Variants in PTPRR observed in about 807,000 individuals in gnomAD.
PTPRR encodes the protein receptor-type tyrosine-protein phosphatase R.
In PTPRR, 38 loss-of-function variants were observed where a neutral mutation model predicts 77.2. That is an observed-to-expected ratio of 0.49 (90% CI 0.38 to 0.65). The LOEUF (loss-of-function observed/expected upper bound fraction) is 0.65. Among genes scored for constraint, PTPRR ranks in the 30% least tolerant of loss-of-function variants. The pLI is 0.00. For missense variants in PTPRR, 744 were observed against 799.2 expected, an observed-to-expected ratio of 0.93 and a Z score of 0.83; for synonymous variants, 299 against 283.1, an observed-to-expected ratio of 1.06 and a Z score of -0.57.
At chr12:70,854,440 G>C (rs1892620488) in intron 2 of PTPRR, among the ~76,000 whole-genome samples, 1 of 152,198 alleles carries the variant, frequency 6.6e-6, no homozygotes, top group Non-Finnish European at 1.5e-5. Context: ...TGAAGCAGTA[G>C]GCACATCTTC....
Position 70,656,685 on chromosome 12 carries a change from A to C in PTPRR, c.1880+19T>G. The C allele has an allele frequency of 6.4e-7, 1 of 1,552,234 alleles. No individual in the cohort carries two copies. Among genetic ancestry groups the C allele is most frequent in the Non-Finnish European group, 8.9e-7 (1 of 1,123,982 alleles). ...TGAATGAAAACAGTGCTCTGAAGGC[A>C]AGCCTCTGTGACACTCACCTATCCA... On this transcript the variant is annotated intron_variant, in intron 13 of 13. Coordinates refer to ENST00000283228, the MANE Select transcript of PTPRR (RefSeq NM_002849.4).
intron 1 of PTPRR, among the ~76,000 whole-genome samples, chr12:70,914,004 T>C (rs1893738975): frequency 6.6e-6 from 1 of 152,068 alleles, no homozygotes; most frequent in Non-Finnish European, 1.5e-5. Flanking sequence ...GACAGGGGAA[T>C]ATACAGGATT....
chr12:70,660,811 A>T, intron 12 of PTPRR, 129 bp downstream of exon 12: 1 of 959,060 alleles, frequency 1.0e-6, no homozygotes, highest in Non-Finnish European at 1.5e-6. Context: ...TTACAGACTT[A>T]ACCAATTTCA....
At chr12:70,663,281 G>T (rs118190047) in intron 10 of PTPRR, among the ~76,000 whole-genome samples, 18 of 152,254 alleles carry the variant, frequency 1.2e-4, no homozygotes, top group African/African-American at 1.7e-4. Flanking sequence ...CTGCAAGCAA[G>T]GCAACATAGC....
chr12:70,917,458 T>C (rs1338241252), intron 1 of PTPRR, among the ~76,000 whole-genome samples: 1 of 152,170 alleles, frequency 6.6e-6, no homozygotes, highest in Non-Finnish European at 1.5e-5. Context: ...AGCAGTTGGA[T>C]GGACAATAAC....
chr12:70,875,386 A>G (rs922016950), intron 2 of PTPRR, among the ~76,000 whole-genome samples: 1 of 152,204 alleles, frequency 6.6e-6, no homozygotes, highest in Admixed American at 6.5e-5. Flanking sequence ...ATACATATAC[A>G]TATTGGGTTC....
intron 10 of PTPRR, among the ~76,000 whole-genome samples, chr12:70,679,856 T>C (rs947953587): frequency 6.6e-6 from 1 of 152,188 alleles, no homozygotes; most frequent in African/African-American, 2.4e-5. Flanking sequence ...GGCCACTCTA[T>C]ATCTTTTAAT....
At chr12:70,888,214 T>A (rs1893274985) in intron 2 of PTPRR, among the ~76,000 whole-genome samples, 1 of 152,222 alleles carries the variant, frequency 6.6e-6, no homozygotes, top group South Asian at 2.1e-4. Context: ...AACAATTATA[T>A]GAGATAATAC....
chr12:70,878,884 A>G (rs1196373509), intron 2 of PTPRR, among the ~76,000 whole-genome samples: 1 of 152,228 alleles, frequency 6.6e-6, no homozygotes. Context: ...GGATTAAGAA[A>G]ATATGGCACA....
chr12:70,702,269 A>C (rs995845374), intron 6 of PTPRR, among the ~76,000 whole-genome samples: 8 of 152,078 alleles, frequency 5.3e-5, no homozygotes, highest in Non-Finnish European at 1.0e-4. Flanking sequence ...AGCTGTGTGG[A>C]CCAAGGGGTA....
intron 8 of PTPRR, among the ~76,000 whole-genome samples, chr12:70,696,473 A>C (rs1389700376): frequency 6.6e-6 from 1 of 152,146 alleles, no homozygotes; most frequent in Non-Finnish European, 1.5e-5. Flanking sequence ...GATTGGAATC[A>C]CCTAGGTGTT....
intron 2 of PTPRR, among the ~76,000 whole-genome samples, chr12:70,853,345 G>T (rs2137071362): frequency 6.6e-6 from 1 of 152,292 alleles, no homozygotes; most frequent in African/African-American, 2.4e-5. Flanking sequence ...TAAACAGCTA[G>T]ATTGCAGAAT....
intron 1 of PTPRR, among the ~76,000 whole-genome samples, chr12:70,920,072 G>T (rs377701647): frequency 6.6e-6 from 1 of 152,114 alleles, no homozygotes; most frequent in South Asian, 2.1e-4. Context: ...GCGAAGGGGG[G>T]AGCAAACCTG....
intron 2 of PTPRR, among the ~76,000 whole-genome samples, chr12:70,787,303 T>G (rs926538811): frequency 2.2e-4 from 34 of 152,222 alleles, no homozygotes; most frequent in African/African-American, 6.5e-4. Flanking sequence ...TATAGCTTAT[T>G]CCTTTTTGTG....
Position 70,641,818 on chromosome 12 carries a change from G to A in PTPRR, c.1881-2541C>T, listed in dbSNP as rs567073806. ...GAATCTGTCCTTTCTAACTTTCACCGCATTGGTCCAACTGAAATAACCCAA... is the reference window on the plus strand; with the variant it reads ...GAATCTGTCCTTTCTAACTTTCACCACATTGGTCCAACTGAAATAACCCAA... On this transcript the variant is annotated intron_variant, in intron 13 of 13. Transcript: ENST00000283228. Among the ~76,000 whole-genome samples, 88 of 152,218 alleles carry A rather than the reference G, an allele frequency of 5.8e-4. 1 individual carries two copies. In the South Asian group the frequency reaches 6.8e-3, roughly 12 times the overall value.
intron 2 of PTPRR, among the ~76,000 whole-genome samples, chr12:70,774,012 C>G (rs1016686644): frequency 6.6e-6 from 1 of 152,214 alleles, no homozygotes; most frequent in Non-Finnish European, 1.5e-5. Context: ...ACTCAGTACA[C>G]CTGGTCATCC....
intron 2 of PTPRR, among the ~76,000 whole-genome samples, chr12:70,833,066 G>A (rs903275742): frequency 9.9e-5 from 15 of 152,124 alleles, no homozygotes; most frequent in Non-Finnish European, 1.6e-4. Flanking sequence ...TGAGGAATCT[G>A]CCCCCATGAC....
chr12:70,755,128 T>G (rs1469299003), intron 4 of PTPRR, among the ~76,000 whole-genome samples: 1 of 152,174 alleles, frequency 6.6e-6, no homozygotes, highest in African/African-American at 2.4e-5. Context: ...GTTGTATAAT[T>G]TAGTGACAGT....
chr12:70,808,714 T>C (rs2137028296), intron 2 of PTPRR, among the ~76,000 whole-genome samples: 2 of 152,310 alleles, frequency 1.3e-5, no homozygotes, highest in African/African-American at 4.8e-5. Flanking sequence ...AACTTCCTTA[T>C]AAGCACACTT....
Sources: gnomAD v4.1 joint callset for allele counts (sites outside exome capture counted in the v4.1 genomes callset) on GRCh38, gnomAD v4.1.1 for gene constraint, MANE v1.5 for transcripts, NCBI Gene and HGNC (gene_info 2026-07-23, HGNC 2026-07-21) for gene names.